The following MRPL36 variants were observed in gnomAD, a reference collection of about 807,000 sequenced individuals.
MRPL36 encodes the protein mitochondrial ribosomal protein L36.
A neutral mutation model predicts 2.8 loss-of-function variants in MRPL36; 1 was observed. The ratio of observed to expected loss-of-function variants is 0.36; its 90% CI spans 0.13 to 1.69. The LOEUF (loss-of-function observed/expected upper bound fraction) is 1.69. MRPL36 is among the 40% of genes most tolerant of loss of function. MRPL36 has a pLI of 0.35. For missense variants in MRPL36, 148 were observed against 132.7 expected (o/e 1.12, Z -0.57); for synonymous variants, 68 against 54.8 (o/e 1.24, Z -1.06).
upstream of MRPL36, chr5:1,801,386 C>T: frequency 6.2e-7 from 1 of 1,601,860 alleles, no homozygotes. Flanking sequence ...CTAAGCGGGA[C>T]GTTGCGCCGG....
At chr5:1,801,395 G>A, upstream of MRPL36, 26 of 1,602,976 alleles carry the variant, frequency 1.6e-5, no homozygotes, top group Non-Finnish European at 2.2e-5. Context: ...ACGTTGCGCC[G>A]GGTCAAAGGC....
upstream of MRPL36, among the ~76,000 whole-genome samples, chr5:1,800,168 G>A (rs1415235715): frequency 2.6e-5 from 4 of 152,222 alleles, no homozygotes; most frequent in Non-Finnish European, 5.9e-5. Context: ...GTGGACAGGA[G>A]AAATGTAAAC....
upstream of MRPL36, chr5:1,801,370 T>C: frequency 6.3e-7 from 1 of 1,595,726 alleles, no homozygotes; most frequent in Non-Finnish European, 8.5e-7. Context: ...TGCGCATGCG[T>C]TAGCGCTAAG....
rs775956445 is a variant in MRPL36, at chr5:1,798,766, A to C, written c.170T>G (p.Leu57Arg). ...AVRSLLSPGL[L>R]PHLLPALGFK... ...CCCCAGCGCAGGCAGCAGATGGGGC[A>C]GGAGGCCGGGTGAGAGAAGTGAGCG... Residue 57 changes from leucine to arginine, a missense_variant, in exon 2 of 2, where the codon CTG becomes CGG. Coordinates refer to ENST00000505059, the MANE Select transcript of MRPL36 (RefSeq NM_032479.4). The C allele has an allele frequency of 4.0e-5, 65 of 1,613,932 alleles. No homozygotes were observed. Among genetic ancestry groups the C allele is most frequent in the Non-Finnish European group, 2.5e-5 (30 of 1,179,970 alleles).
chr5:1,801,290 T>G (rs1433436455), upstream of MRPL36: 2 of 1,385,268 alleles, frequency 1.4e-6, no homozygotes, highest in Non-Finnish European at 1.9e-6. Flanking sequence ...CGGCGCACCC[T>G]CTGCCCCGAC....
In MRPL36 at chr5:1,799,775, G is replaced by A. The variant is rs895239271; in HGVS notation, c.-13+17C>T. On this transcript the variant is annotated intron_variant, in intron 1 of 1. Coordinates refer to ENST00000505059, the MANE Select transcript of MRPL36 (RefSeq NM_032479.4). ...AAGACACCCGGGACCCCTGACCTGA[G>A]AAGACGGCTCCCTTACCCGGCCGCA... 1.9e-5 allele frequency: 1 copy of A among 53,092 alleles called. No homozygotes were observed. The allele number at this position is 53,092 out of a possible 1,614,324, so 3.3% of individuals were successfully genotyped here.
upstream of MRPL36, among the ~76,000 whole-genome samples, chr5:1,800,742 C>A (rs1223636028): frequency 2.0e-5 from 3 of 152,208 alleles, no homozygotes; most frequent in African/African-American, 7.2e-5. Flanking sequence ...ATACCCAAGT[C>A]AACTCTAAGC....
Position 1,798,770 on chromosome 5 carries a change from G to C in MRPL36, c.166C>G (p.Leu56Val), listed in dbSNP as rs769184351. The C allele has an allele frequency of 4.0e-5, 64 of 1,614,064 alleles. No individual in the cohort carries two copies. The highest frequency in any genetic ancestry group is 5.3e-5 in the Non-Finnish European group (63 of 1,179,988). The change falls in exon 2 of 2, where the codon CTC becomes GTC. Residue 56 changes from leucine to valine, a missense_variant. Transcript: ENST00000505059. ...AGCGCAGGCAGCAGATGGGGCAGGA[G>C]GCCGGGTGAGAGAAGTGAGCGCACT... Reference protein sequence around the residue: ...AAVRSLLSPGLLPHLLPALGF... With the variant: ...AAVRSLLSPGVLPHLLPALGF...
At chr5:1,799,216 G>C in intron 1 of MRPL36, 1 of 329,270 alleles carries the variant, frequency 3.0e-6, no homozygotes, top group Non-Finnish European at 5.6e-6. Context: ...CTGCGATGTT[G>C]AGGAGCCGCT....
At position 1,798,421 on chromosome 5, in the gene MRPL36, T is replaced by C. The variant is rs953727548; in HGVS notation, c.*203A>G. On this transcript the variant is annotated 3_prime_UTR_variant, in exon 2 of 2. Coordinates refer to ENST00000505059, the MANE Select transcript of MRPL36 (RefSeq NM_032479.4). ...TCTATTTTAATAGGAAAATGTTTTT[T>C]AGTTGGAACGTTTTGGAAATAAGAT... is the stretch of plus-strand genomic sequence containing the variant. 7.4e-6 allele frequency: 4 copies of C among 541,064 alleles called. No individual in the cohort carries two copies. In the African/African-American group the frequency reaches 7.6e-5, roughly 10 times the overall value. 33.5% of individuals were successfully genotyped at this position (541,064 alleles called of 1,614,324 possible).
upstream of MRPL36, chr5:1,801,298 G>A (rs1036481549): frequency 4.3e-6 from 6 of 1,405,510 alleles, no homozygotes; most frequent in South Asian, 2.8e-5. Context: ...CCTCTGCCCC[G>A]ACCCGCGCTC....
chr5:1,801,271 G>C (rs1026342402), upstream of MRPL36: 3 of 1,224,408 alleles, frequency 2.5e-6, no homozygotes, highest in Non-Finnish European at 2.2e-6. Context: ...CTGAATCAGA[G>C]AGCAGCTCCG....
At chr5:1,800,061 T>C (rs546465572), upstream of MRPL36, among the ~76,000 whole-genome samples, 23 of 152,230 alleles carry the variant, frequency 1.5e-4, no homozygotes, top group African/African-American at 5.5e-4. Context: ...CGAAAATGGA[T>C]ATCCGCAACG....
At chr5:1,799,151 C>T (rs1733943681) in intron 1 of MRPL36, 1 of 502,168 alleles carries the variant, frequency 2.0e-6, no homozygotes, top group East Asian at 3.1e-5. Context: ...GGGCAGTGGA[C>T]GGTGGCTTCC....
At position 1,798,949 on chromosome 5, in the gene MRPL36, TA is replaced by T; in HGVS notation, c.-12-3del. On this transcript the variant is annotated splice_polypyrimidine_tract_variant and splice_region_variant and intron_variant, in intron 1 of 1. Transcript: ENST00000505059. The stretch of plus-strand genomic sequence containing the variant: ...AAGATTTGCCATGTTGTGGTGAATC[TA>T]TGGGAGAGAGAAAAAAAGGAGTTAT... 1 of 1,558,606 alleles carries T rather than the reference TA, an allele frequency of 6.4e-7. No homozygotes were observed. Among genetic ancestry groups the T allele is most frequent in the Non-Finnish European group, 8.7e-7 (1 of 1,149,246 alleles).
At chr5:1,799,051 C>A in intron 1 of MRPL36, 104 bp from the exon 2 acceptor site, 1 of 929,618 alleles carries the variant, frequency 1.1e-6, no homozygotes. Flanking sequence ...AGGCAGGGAC[C>A]TCGGGGACTG....
upstream of MRPL36, among the ~76,000 whole-genome samples, chr5:1,800,536 CTGA>C (rs1384651622): frequency 6.2e-4 from 94 of 152,350 alleles, 1 homozygote; most frequent in African/African-American, 2.2e-3. Context: ...AAATCTGCCT[CTGA>C]CCACCACGTT....
chr5:1,798,920 T>C lies in MRPL36; in HGVS notation c.16A>G (p.Ile6Val). MANLFIRKMVNPLLYL... is the reference protein window; with the variant it reads MANLFVRKMVNPLLYL... ...AGCAGAGGGTTCACCATTTTCCTTA[T>C]AAAAAGATTTGCCATGTTGTGGTGA... Residue 6 changes from isoleucine (I) to valine (V), a missense_variant, in exon 2 of 2, where the codon ATA becomes GTA. Coordinates refer to ENST00000505059, the MANE Select transcript of MRPL36 (RefSeq NM_032479.4). 6.3e-7 allele frequency: 1 copy of C among 1,591,008 alleles called. No homozygotes were observed. Among genetic ancestry groups the C allele is most frequent in the Non-Finnish European group, 8.6e-7 (1 of 1,163,566 alleles).
Position 1,798,866 on chromosome 5 carries a change from G to A in MRPL36, c.70C>T (p.Arg24Ter), listed in dbSNP as rs1174141695. ...LYLSRHTVKPRALSTFLFGSI... is the reference protein window; with the variant it reads ...LYLSRHTVKP ...CCAAATAGAAATGTGGAGAGGGCTC[G>A]AGGCTTCACCGTGTGACGACTGAGA... Residue 24 changes from arginine (R) to a stop codon, truncating the protein, a stop_gained, in exon 2 of 2, where the codon CGA (arginine) becomes TGA (stop). Coordinates refer to ENST00000505059, the MANE Select transcript of MRPL36 (RefSeq NM_032479.4). LOFTEE classifies it low-confidence loss of function (END_TRUNC). 1 of 1,613,274 alleles carries A rather than the reference G, an allele frequency of 6.2e-7. No homozygotes were observed. The highest frequency in any genetic ancestry group is 1.1e-5 in the South Asian group (1 of 91,066).
Sources: gnomAD v4.1 joint callset for allele counts (sites outside exome capture counted in the v4.1 genomes callset) on GRCh38, gnomAD v4.1.1 for gene constraint, MANE v1.5 for transcripts, NCBI Gene and HGNC (gene_info 2026-07-23, HGNC 2026-07-21) for gene names.